The following KCNQ1 variants were observed in gnomAD, a reference collection of about 807,000 sequenced individuals.
KCNQ1 encodes the protein potassium voltage-gated channel subfamily KQT member 1.
KCNQ1 carries 49 observed loss-of-function variants against 72.4 expected under a neutral mutation model. That is an observed-to-expected ratio of 0.68 (90% CI 0.54 to 0.86). The LOEUF is 0.86. KCNQ1 is among the 40% of genes least tolerant of loss of function. The pLI is 0.00. For missense variants in KCNQ1, 790 were observed against 945.1 expected, an observed-to-expected ratio of 0.84 and a Z score of 2.15; for synonymous variants, 450 against 412.6, an observed-to-expected ratio of 1.09 and a Z score of -1.10.
In KCNQ1 at chr11:2,585,207, C is replaced by G. The variant is rs764094211; in HGVS notation, c.1033-5C>G. On this transcript the variant is annotated splice_polypyrimidine_tract_variant and splice_region_variant and intron_variant, in intron 7 of 15. Transcript: ENST00000155840. ...GACGGGAGCCTCCTGTCCATTCCTTCCCAGGGGATTCTTGGCTCGGGGTTT... is the reference window on the plus strand; with the variant it reads ...GACGGGAGCCTCCTGTCCATTCCTTGCCAGGGGATTCTTGGCTCGGGGTTT... 7 of 1,613,598 alleles carry G rather than the reference C, an allele frequency of 4.3e-6. No homozygotes were observed. In the African/African-American group the frequency reaches 9.3e-5, roughly 22 times the overall value.
Position 2,688,952 on chromosome 11 carries a change from T to C in KCNQ1, c.1514+26871T>C, listed in dbSNP as rs567783755. ...CTCACAGGCTGTCACCCACTGGGCC[T>C]AGGGCTCTGAGAGTAGGGGTCTGAT... On this transcript the variant is annotated intron_variant, in intron 11 of 15. Coordinates refer to ENST00000155840, the MANE Select transcript of KCNQ1 (RefSeq NM_000218.3). 440 of 398,820 alleles carry C rather than the reference T, an allele frequency of 1.1e-3. No individual in the cohort carries two copies. Among genetic ancestry groups the C allele is most frequent in the Non-Finnish European group, 1.7e-3 (388 of 226,236 alleles). The allele number at this position is 398,820 out of a possible 1,614,324, so 24.7% of individuals were successfully genotyped here. A position where few individuals can be genotyped will look rare whatever the true frequency, so the allele number is the denominator to read the frequency against.
At position 2,463,211 on chromosome 11, in the gene KCNQ1, A is replaced by C. The variant is rs1294224793; in HGVS notation, c.386+17727A>C. 6.6e-6 allele frequency among the ~76,000 whole-genome samples: 1 copy of C among 152,110 alleles called. No homozygotes were observed. The highest frequency in any genetic ancestry group is 2.4e-5 in the African/African-American group (1 of 41,408). ...CTCCCGGCTGTGACCTTGGGGGACCATTGACTTTACTGTGTGCCTGGAGAG... is the reference window on the plus strand; with the variant it reads ...CTCCCGGCTGTGACCTTGGGGGACCCTTGACTTTACTGTGTGCCTGGAGAG... On this transcript the variant is annotated intron_variant, in intron 1 of 15. Transcript: ENST00000155840. This position sits in a 1 kb window ranked among gnomAD's most constrained non-coding sequence, Gnocchi z 7.0.
chr11:2,719,819 A>C (rs1235036020), intron 11 of KCNQ1, among the ~76,000 whole-genome samples: 1 of 152,218 alleles, frequency 6.6e-6, no homozygotes, highest in African/African-American at 2.4e-5. Context: ...GGTTTCAGAG[A>C]AACAAACAGC....
chr11:2,614,652 C>A (rs988986881), intron 10 of KCNQ1: 4 of 398,294 alleles, frequency 1.0e-5, no homozygotes, highest in African/African-American at 4.1e-5. Flanking sequence ...CCACTGAATT[C>A]TTGATACATT....
At chr11:2,510,299 A>T (rs1847178042) in intron 1 of KCNQ1, among the ~76,000 whole-genome samples, 1 of 151,690 alleles carries the variant, frequency 6.6e-6, no homozygotes, top group Admixed American at 6.6e-5. Context: ...AAATTTTTAA[A>T]TAAATAAATA....
At chr11:2,798,027 A>G (rs1302829677) in intron 15 of KCNQ1, among the ~76,000 whole-genome samples, 1 of 152,120 alleles carries the variant, frequency 6.6e-6, no homozygotes, top group Non-Finnish European at 1.5e-5. Context: ...CAGGGGACCC[A>G]ATTGCACAGC....
chr11:2,835,014 T>C (rs1031242431), intron 15 of KCNQ1, among the ~76,000 whole-genome samples: 12 of 152,008 alleles, frequency 7.9e-5, no homozygotes, highest in African/African-American at 2.9e-4. Flanking sequence ...GGGAGCTGAA[T>C]TCAGAGAATC....
intron 11 of KCNQ1, among the ~76,000 whole-genome samples, chr11:2,744,531 CTCAT>C (rs1846107248): frequency 6.6e-6 from 1 of 152,224 alleles, no homozygotes; most frequent in African/African-American, 2.4e-5. Flanking sequence ...CCCTCACTCT[CTCAT>C]TCATTCATTT....
Position 2,674,832 on chromosome 11 carries a change from T to A in KCNQ1, c.1514+12751T>A, listed in dbSNP as rs113630709. The A allele has an allele frequency of 0.038, 11,622 of 302,882 alleles. 289 individuals are homozygous for A. The highest frequency in any genetic ancestry group is 0.13 in the African/African-American group (3,524 of 27,774). The allele number at this position is 302,882 out of a possible 1,614,324, so 18.8% of individuals were successfully genotyped here. On this transcript the variant is annotated intron_variant, in intron 11 of 15. Transcript: ENST00000155840. The surrounding 1 kb of genome is among the most constrained non-coding windows in gnomAD (Gnocchi z 5.9). Reference sequence around the variant, plus strand: ...GCTTGTCACCCTAATAGCTGTTTTTTAAAAAAAAAAAAAAAAAAAAAAAAA... The same window carrying A: ...GCTTGTCACCCTAATAGCTGTTTTTAAAAAAAAAAAAAAAAAAAAAAAAAA...
intron 11 of KCNQ1, chr11:2,688,286 G>A (rs1251679642): frequency 2.5e-6 from 1 of 398,620 alleles, no homozygotes; most frequent in Non-Finnish European, 4.4e-6. Flanking sequence ...TTTAGACAAG[G>A]AAAATGAAGA....
At position 2,570,156 on chromosome 11, in the gene KCNQ1, G is replaced by A. The variant is rs577422044; in HGVS notation, c.478-472G>A. On this transcript the variant is annotated intron_variant, in intron 2 of 15. Coordinates refer to ENST00000155840, the MANE Select transcript of KCNQ1 (RefSeq NM_000218.3). ...GGTTCCTGGCGTGGGACGCCCTCTGGCCCAAGCTGGGGTTCCTGGTGTGGG... is the reference window on the plus strand; with the variant it reads ...GGTTCCTGGCGTGGGACGCCCTCTGACCCAAGCTGGGGTTCCTGGTGTGGG... Among the ~76,000 whole-genome samples, 145 of 151,480 alleles carry A rather than the reference G, an allele frequency of 9.6e-4. 1 individual carries two copies. The highest frequency in any genetic ancestry group is 2.9e-3 in the Admixed American group (44 of 15,296).
chr11:2,733,994 C>T (rs1845910407), intron 11 of KCNQ1, among the ~76,000 whole-genome samples: 1 of 152,034 alleles, frequency 6.6e-6, no homozygotes, highest in South Asian at 2.1e-4. Context: ...TTCCCCTGAA[C>T]ATCCTCCTCA....
rs1383548691 is a variant in KCNQ1, at chr11:2,674,131, C to T, written c.1514+12050C>T. 1.8e-5 allele frequency: 7 copies of T among 398,522 alleles called. No homozygotes were observed. Among genetic ancestry groups the T allele is most frequent in the Non-Finnish European group, 3.1e-5 (7 of 226,148 alleles). The allele number at this position is 398,522 out of a possible 1,614,324, so 24.7% of individuals were successfully genotyped here. A position where few individuals can be genotyped will look rare whatever the true frequency, so the allele number is the denominator to read the frequency against. On this transcript the variant is annotated intron_variant, in intron 11 of 15. Coordinates refer to ENST00000155840, the MANE Select transcript of KCNQ1 (RefSeq NM_000218.3). The surrounding 1 kb of genome is among the most constrained non-coding windows in gnomAD (Gnocchi z 5.9). ...GGTGTGGAAGCTGGTTTGCCGGGGCCACCCAGTGTGGGCTCAGGAAGGGAA... is the reference window on the plus strand; with the variant it reads ...GGTGTGGAAGCTGGTTTGCCGGGGCTACCCAGTGTGGGCTCAGGAAGGGAA...
chr11:2,689,575 T>G (rs950396757), intron 11 of KCNQ1: 3 of 398,562 alleles, frequency 7.5e-6, no homozygotes, highest in Non-Finnish European at 1.3e-5. Context: ...TGGAAATCTG[T>G]TAGCAGTGGT....
In KCNQ1 at chr11:2,477,328, T is replaced by A. The variant is rs1846585116; in HGVS notation, c.386+31844T>A. 6.6e-6 allele frequency among the ~76,000 whole-genome samples: 1 copy of A among 152,214 alleles called. No homozygotes were observed. The highest frequency in any genetic ancestry group is 1.5e-5 in the Non-Finnish European group (1 of 68,042). ...GTGGGATCAAAGGTAGGAAATGCTCTTTACAAAGTCATCAAAAAGTTTTTT... is the reference window on the plus strand; with the variant it reads ...GTGGGATCAAAGGTAGGAAATGCTCATTACAAAGTCATCAAAAAGTTTTTT... On this transcript the variant is annotated intron_variant, in intron 1 of 15. Coordinates refer to ENST00000155840, the MANE Select transcript of KCNQ1 (RefSeq NM_000218.3). The surrounding 1 kb of genome is among the most constrained non-coding windows in gnomAD (Gnocchi z 5.0).
intron 1 of KCNQ1, among the ~76,000 whole-genome samples, chr11:2,476,804 A>G (rs1317312700): frequency 6.6e-6 from 1 of 152,116 alleles, no homozygotes; most frequent in Non-Finnish European, 1.5e-5. Flanking sequence ...CTCCCCCCTC[A>G]GCCTCCCAAG....
At chr11:2,614,024 T>C (rs1193073121) in intron 10 of KCNQ1, 1 of 398,518 alleles carries the variant, frequency 2.5e-6, no homozygotes, top group Non-Finnish European at 4.4e-6. Context: ...TTGCATAGTA[T>C]TCCTTAGTGT....
intron 1 of KCNQ1, among the ~76,000 whole-genome samples, chr11:2,513,944 A>G (rs1293242720): frequency 5.3e-5 from 8 of 152,130 alleles, no homozygotes; most frequent in Non-Finnish European, 4.4e-5. Flanking sequence ...AGGTGTGTGC[A>G]TGGGGCCTGT....
intron 13 of KCNQ1, 139 bp downstream of exon 13, chr11:2,776,193 AC>A (rs2133989703): frequency 2.7e-6 from 2 of 739,896 alleles, no homozygotes; most frequent in Non-Finnish European, 4.5e-6. Flanking sequence ...TCTCCTCACC[AC>A]CCCCAGCCCT....
Sources: gnomAD v4.1 joint callset for allele counts (sites outside exome capture counted in the v4.1 genomes callset) on GRCh38, gnomAD v4.1.1 for gene constraint, Gnocchi (gnomAD v3.1) non-coding constraint, MANE v1.5 for transcripts, NCBI Gene and HGNC (gene_info 2026-07-23, HGNC 2026-07-21) for gene names.